The following C1orf21 variants were observed in gnomAD, a reference collection of about 807,000 sequenced individuals.
The protein encoded by C1orf21 is chromosome 1 open reading frame 21.
Under a neutral mutation model 18.7 loss-of-function variants are expected in C1orf21, and 3 were observed. The observed-to-expected ratio is 0.16, with a 90% CI of 0.07 to 0.42. The LOEUF is 0.42. Among genes scored for constraint, C1orf21 ranks in the 10% least tolerant of loss-of-function variants. The pLI is 0.99. For synonymous variants in C1orf21, 41 were observed against 46.4 expected (o/e 0.88, Z 0.47); for missense variants, 104 against 143.6 (o/e 0.72, Z 1.41).
At chr1:184,521,026 T>C (rs892704623) in intron 3 of C1orf21, among the ~76,000 whole-genome samples, 2 of 152,090 alleles carry the variant, frequency 1.3e-5, no homozygotes, top group African/African-American at 4.8e-5. Context: ...CCCGAGTAGC[T>C]GGGATTACAG....
At chr1:184,565,861 A>G (rs1256840413) in intron 3 of C1orf21, among the ~76,000 whole-genome samples, 1 of 152,212 alleles carries the variant, frequency 6.6e-6, no homozygotes, top group Non-Finnish European at 1.5e-5. Context: ...GGGACTGCAG[A>G]CTATTTATAA....
intron 1 of C1orf21, among the ~76,000 whole-genome samples, chr1:184,448,386 T>C (rs988230381): frequency 5.9e-5 from 9 of 152,172 alleles, no homozygotes; most frequent in African/African-American, 1.9e-4. Context: ...ATCTGGCTTA[T>C]CTTTCAAGTC....
intron 1 of C1orf21, among the ~76,000 whole-genome samples, chr1:184,467,775 TATTG>T (rs1360428889): frequency 6.6e-6 from 1 of 152,204 alleles, no homozygotes; most frequent in East Asian, 1.9e-4. Context: ...AGCTATCTCT[TATTG>T]ATTGCCTACT....
At chr1:184,473,421 G>A (rs1224029115) in intron 1 of C1orf21, among the ~76,000 whole-genome samples, 1 of 152,044 alleles carries the variant, frequency 6.6e-6, no homozygotes, top group Non-Finnish European at 1.5e-5. Flanking sequence ...GAGCATGTGA[G>A]GTTGGGAGAG....
chr1:184,500,733 G>C (rs758400750), intron 2 of C1orf21, among the ~76,000 whole-genome samples: 1 of 152,182 alleles, frequency 6.6e-6, no homozygotes, highest in Non-Finnish European at 1.5e-5. Context: ...AGGAGAAGGA[G>C]CTGGGATCAT....
chr1:184,438,308 G>C (rs1404522094), intron 1 of C1orf21, among the ~76,000 whole-genome samples: 1 of 152,130 alleles, frequency 6.6e-6, no homozygotes, highest in African/African-American at 2.4e-5. Context: ...TCATTCTCCA[G>C]TTATATTCCC....
intron 3 of C1orf21, among the ~76,000 whole-genome samples, chr1:184,565,979 G>A (rs1659030990): frequency 6.6e-6 from 1 of 152,102 alleles, no homozygotes; most frequent in Non-Finnish European, 1.5e-5. Context: ...GAATGAAAGA[G>A]ATAATATATT....
At chr1:184,393,745 A>T (rs187317067) in intron 1 of C1orf21, among the ~76,000 whole-genome samples, 27 of 152,358 alleles carry the variant, frequency 1.8e-4, no homozygotes, top group African/African-American at 6.5e-4. Context: ...TTTTCATAAT[A>T]GCACCAAAGG....
At chr1:184,584,554 A>T (rs574690092) in intron 3 of C1orf21, among the ~76,000 whole-genome samples, 1 of 152,206 alleles carries the variant, frequency 6.6e-6, no homozygotes, top group African/African-American at 2.4e-5. Flanking sequence ...GTAATCTAGC[A>T]GTTCTACTCC....
chr1:184,410,617 T>TTTTATATATATA (rs1553247966), intron 1 of C1orf21, among the ~76,000 whole-genome samples: 10 of 21,158 alleles, frequency 4.7e-4, no homozygotes, highest in Non-Finnish European at 6.9e-4. Context: ...GCCATATATA[T>TTTTATATATATA]TATATATATA....
chr1:184,550,134 T>C (rs1270829567), intron 3 of C1orf21, among the ~76,000 whole-genome samples: 1 of 152,236 alleles, frequency 6.6e-6, no homozygotes, highest in Non-Finnish European at 1.5e-5. Context: ...GGGGTTGTTA[T>C]AGATATTTTT....
chr1:184,510,183 C>A (rs1167125090), intron 3 of C1orf21, among the ~76,000 whole-genome samples: 1 of 152,046 alleles, frequency 6.6e-6, no homozygotes, highest in African/African-American at 2.4e-5. Context: ...TTATTTATAC[C>A]TATTATGTAC....
At chr1:184,407,486 T>G (rs1656265991) in intron 1 of C1orf21, among the ~76,000 whole-genome samples, 1 of 152,222 alleles carries the variant, frequency 6.6e-6, no homozygotes, top group Non-Finnish European at 1.5e-5. Context: ...CTTTTTAAGC[T>G]AAATGAGACT....
intron 3 of C1orf21, among the ~76,000 whole-genome samples, chr1:184,561,402 T>A (rs191398743): frequency 6.6e-6 from 1 of 152,322 alleles, no homozygotes; most frequent in African/African-American, 2.4e-5. Context: ...AGACTTTATC[T>A]GGATGACAGT....
chr1:184,607,713 A>ATG (rs1384402279), intron 5 of C1orf21, among the ~76,000 whole-genome samples: 1 of 150,696 alleles, frequency 6.6e-6, no homozygotes, highest in African/African-American at 2.4e-5. Context: ...ATACACATAT[A>ATG]TGTGTGTGTA....
At chr1:184,460,620 GTCTTCTTCTTCTTCT>G (rs201481780) in intron 1 of C1orf21, among the ~76,000 whole-genome samples, 8,044 of 111,920 alleles carry the variant, frequency 0.072, 319 homozygotes, top group Middle Eastern at 0.14. Context: ...TGTCGTCGTC[GTCTTCTTCTTCTTCT>G]TCTTCTTCTT....
At chr1:184,565,284 C>T (rs971084139) in intron 3 of C1orf21, among the ~76,000 whole-genome samples, 1 of 152,158 alleles carries the variant, frequency 6.6e-6, no homozygotes, top group Admixed American at 6.5e-5. Flanking sequence ...CCACCATGTT[C>T]CAGGTACTTG....
At chr1:184,532,700 CTG>C (rs1658486502) in intron 3 of C1orf21, among the ~76,000 whole-genome samples, 1 of 152,200 alleles carries the variant, frequency 6.6e-6, no homozygotes, top group Non-Finnish European at 1.5e-5. Flanking sequence ...TGAGCTATGA[CTG>C]TGCCACTGCA....
intron 1 of C1orf21, among the ~76,000 whole-genome samples, chr1:184,465,908 C>A (rs1001702227): frequency 2.3e-4 from 35 of 152,146 alleles, no homozygotes; most frequent in African/African-American, 8.4e-4. Context: ...GTTAACACCA[C>A]GAGGCGCTGG....
Sources: allele counts gnomAD v4.1 joint callset (sites outside exome capture counted in the v4.1 genomes callset), GRCh38; gene constraint gnomAD v4.1.1; transcripts MANE v1.5; gene names NCBI Gene and HGNC (gene_info 2026-07-23, HGNC 2026-07-21).